The following ACIN1 variants were observed in gnomAD, a reference collection of about 807,000 sequenced individuals.
ACIN1 encodes the protein apoptotic chromatin condensation inducer in the nucleus.
Under a neutral mutation model 146.6 loss-of-function variants are expected in ACIN1, and 16 were observed. The ratio of observed to expected loss-of-function variants is 0.11; its 90% CI spans 0.07 to 0.17. The LOEUF (loss-of-function observed/expected upper bound fraction) is 0.17. Ranked by LOEUF, ACIN1 falls within the 10% of genes least tolerant of loss-of-function variation. The pLI, the probability that ACIN1 is intolerant of heterozygous loss-of-function variation, is 1.00. For synonymous variants in ACIN1, 569 were observed against 582.7 expected, an observed-to-expected ratio of 0.98 and a Z score of 0.34; for missense variants, 1,357 against 1,609.3, an observed-to-expected ratio of 0.84 and a Z score of 2.68.
intron 13 of ACIN1, 76 bp from the exon 14 acceptor site, chr14:23,063,150 G>A (rs745641584): frequency 2.3e-4 from 340 of 1,457,700 alleles, no homozygotes; most frequent in Non-Finnish European, 2.9e-4. Flanking sequence ...TAACTCTCAC[G>A]GTTCCCTTTC....
Position 23,061,523 on chromosome 14 carries a change from C to A in ACIN1, c.3199G>T (p.Val1067Phe). The change falls in exon 17 of 19, where the codon GTC (valine) becomes TTC (phenylalanine). Residue 1067 changes from valine (V) to phenylalanine (F), a missense_variant. Physicochemically the swap from Val to Phe is conservative, Grantham distance 50. Coordinates refer to ENST00000605057, the MANE Select transcript of ACIN1 (RefSeq NM_001386863.1). The stretch of plus-strand genomic sequence containing the variant: ...GCCCGGGGGTGCTGTGGTGGCTGGA[C>A]CGGGGGTGGGGGTGGGGGGTGCAGG... ...RPLHPPPPPP[V>F]QPPQHPRAEQ... 1.2e-6 allele frequency: 1 copy of A among 811,716 alleles called. No individual in the cohort carries two copies. The allele number at this position is 811,716 out of a possible 1,614,324, so 50.3% of individuals were successfully genotyped here.
At chr14:23,094,686 A>C (rs10149569) in intron 1 of ACIN1, 71,197 of 686,344 alleles carry the variant, frequency 0.1, 4,699 homozygotes, top group African/African-American at 0.24. Context: ...CCGAAACCAC[A>C]GATACAAACA....
In ACIN1 at chr14:23,065,458, T is replaced by C. The variant is rs181689298; in HGVS notation, c.2308+508A>G. Reference sequence around the variant, plus strand: ...AAAATTAGCTGGGCATGGTGGCGCATGCCTCTAATCCCAGCTACTCAGGAG... The same window carrying C: ...AAAATTAGCTGGGCATGGTGGCGCACGCCTCTAATCCCAGCTACTCAGGAG... On this transcript the variant is annotated intron_variant, in intron 10 of 18. Transcript: ENST00000605057. Among the ~76,000 whole-genome samples, 3 of 152,328 alleles carry C rather than the reference T, an allele frequency of 2.0e-5. No homozygotes were observed. In the East Asian group the frequency reaches 5.8e-4, roughly 29 times the overall value.
chr14:23,091,818 T>C (rs927389515), intron 2 of ACIN1, among the ~76,000 whole-genome samples: 16 of 152,062 alleles, frequency 1.1e-4, no homozygotes, highest in Non-Finnish European at 1.3e-4. Flanking sequence ...TAGACGGGGT[T>C]TTGCCATGTT....
chr14:23,090,708 C>G, intron 2 of ACIN1, 75 bp from the exon 3 acceptor site: 1 of 1,136,048 alleles, frequency 8.8e-7, no homozygotes, highest in Non-Finnish European at 1.3e-6. Context: ...TTCCATGGAG[C>G]AAAGGTCCAC....
In ACIN1 at chr14:23,084,029, C is replaced by A. The variant is rs575173493; in HGVS notation, c.437-2193G>T. Among the ~76,000 whole-genome samples the A allele has an allele frequency of 2.0e-5, 3 of 151,992 alleles. No homozygotes were observed. The East Asian group carries it at 6.0e-4, about 30-fold the overall frequency. ...TGGCACGATTTCGGTTCACTGCAACCTCCGCCTCCTGGGTTCAAGTGATTC... is the reference window on the plus strand; with the variant it reads ...TGGCACGATTTCGGTTCACTGCAACATCCGCCTCCTGGGTTCAAGTGATTC... On this transcript the variant is annotated intron_variant, in intron 4 of 18. Transcript: ENST00000605057.
Position 23,095,103 on chromosome 14 carries a change from G to C in ACIN1, c.10C>G (p.Leu4Val). The change falls in exon 1 of 19, where the codon CTG becomes GTG. Residue 4 changes from leucine (L) to valine (V), a missense_variant. This residue lies in a region of ACIN1 where 22 missense variants were observed against 19.1 expected (regional missense o/e 1.15). Coordinates refer to ENST00000605057, the MANE Select transcript of ACIN1 (RefSeq NM_001386863.1). ...TTCCCGTCCAGAGTCACCTCCTCCAGCTCCGCCATCTTGCGTGAGGTACTC... is the reference window on the plus strand; with the variant it reads ...TTCCCGTCCAGAGTCACCTCCTCCACCTCCGCCATCTTGCGTGAGGTACTC... MAE[L>V]EEVTLDGKPL... 2 of 1,614,206 alleles carry C rather than the reference G, an allele frequency of 1.2e-6. No individual in the cohort carries two copies. Among genetic ancestry groups the C allele is most frequent in the Non-Finnish European group, 1.7e-6 (2 of 1,180,036 alleles).
At chr14:23,062,627 G>T in intron 14 of ACIN1, 104 bp from the exon 15 acceptor site, 4 of 1,127,286 alleles carry the variant, frequency 3.5e-6, no homozygotes, top group Non-Finnish European at 4.0e-6. Context: ...TCAAGGTTTG[G>T]GGGAGGGCAG....
At chr14:23,094,447 T>G in intron 1 of ACIN1, 1 of 984,604 alleles carries the variant, frequency 1.0e-6, no homozygotes, top group African/African-American at 1.7e-5. Context: ...ATTAGAGACC[T>G]CTCTCTCATC....
rs1220945383 is a variant in ACIN1, at chr14:23,069,465, T to C, written c.2265+11A>G. ...TGCCCACCCGCCCCAATAGGTGGCT[T>C]GGATGTTTACCTCTTTCTTCTCCTC... On this transcript the variant is annotated intron_variant, in intron 9 of 18. Transcript: ENST00000605057. The C allele has an allele frequency of 6.2e-7, 1 of 1,612,824 alleles. No homozygotes were observed. The highest frequency in any genetic ancestry group is 1.7e-5 in the Admixed American group (1 of 59,906).
At chr14:23,091,117 C>T (rs554569408) in intron 2 of ACIN1, among the ~76,000 whole-genome samples, 103 of 152,118 alleles carry the variant, frequency 6.8e-4, no homozygotes, top group Middle Eastern at 3.4e-3. Context: ...GTTGGTCAGA[C>T]GGGTCTCAAA....
intron 8 of ACIN1, among the ~76,000 whole-genome samples, chr14:23,072,125 C>A (rs533931075): frequency 2.4e-4 from 37 of 152,276 alleles, no homozygotes; most frequent in Middle Eastern, 3.4e-3. Flanking sequence ...GCTGCTCACC[C>A]CGGCAATGAC....
At chr14:23,072,891 T>C (rs1258386208) in intron 8 of ACIN1, among the ~76,000 whole-genome samples, 2 of 152,250 alleles carry the variant, frequency 1.3e-5, no homozygotes, top group Admixed American at 1.3e-4. Context: ...TGTGTGATAG[T>C]AGGCAAGTTC....
chr14:23,066,678 T>C (rs1050024506), intron 9 of ACIN1, among the ~76,000 whole-genome samples: 9 of 152,130 alleles, frequency 5.9e-5, no homozygotes, highest in South Asian at 2.1e-4. Flanking sequence ...GTGTCTTTGA[T>C]AAAGGAAGGT....
chr14:23,065,267 C>A (rs575145353), intron 10 of ACIN1, among the ~76,000 whole-genome samples: 3 of 152,306 alleles, frequency 2.0e-5, no homozygotes, highest in African/African-American at 7.2e-5. Flanking sequence ...GGGGCACTTT[C>A]ATTTCCTTGG....
Position 23,090,562 on chromosome 14 carries a change from C to T in ACIN1, c.276G>A (p.Gln92=), listed in dbSNP as rs1261969214. 6.2e-7 allele frequency: 1 copy of T among 1,613,986 alleles called. No homozygotes were observed. Among genetic ancestry groups the T allele is most frequent in the Non-Finnish European group, 8.5e-7 (1 of 1,179,972 alleles). The change falls in exon 3 of 19, where the codon CAG becomes CAA. Residue 92 remains glutamine, a synonymous_variant. Transcript: ENST00000605057. The part of the protein sequence containing the change: ...YLEKQQELLR[Q]RLEREAREAA... ...CTTCTCGAGCTTCACGTTCCAGACG[C>T]TGCCTAAGTAGCTCCTGCTGCTTTT...
At chr14:23,087,458 C>T (rs1447309692) in intron 4 of ACIN1, among the ~76,000 whole-genome samples, 3 of 124,654 alleles carry the variant, frequency 2.4e-5, no homozygotes, top group African/African-American at 7.3e-5. Flanking sequence ...TTTTTTTTAA[C>T]GTCTGGGGTT....
In ACIN1 at chr14:23,093,491, C is replaced by T. The variant is rs1324147720; in HGVS notation, c.192G>A (p.Gln64=). ...CCTTCTTTCTCACCTGGGAATTTGG[C>T]TGGAATGCAGCATGGGGTGTTGAGT... ...QKHSTPHAAF[Q]PNSQIGEEMS... The change falls in exon 2 of 19, where the codon CAG becomes CAA. Residue 64 remains glutamine (Q), a synonymous_variant. Transcript: ENST00000605057. 6.2e-7 allele frequency: 1 copy of T among 1,613,980 alleles called. No individual in the cohort carries two copies. Among genetic ancestry groups the T allele is most frequent in the South Asian group, 1.1e-5 (1 of 91,080 alleles).
intron 4 of ACIN1, among the ~76,000 whole-genome samples, chr14:23,085,347 C>T (rs942444181): frequency 2.6e-5 from 4 of 151,422 alleles, no homozygotes; most frequent in African/African-American, 7.3e-5. Flanking sequence ...AAAACAACAA[C>T]AACAAGAACA....
Sources: gnomAD v4.1 joint callset for allele counts (sites outside exome capture counted in the v4.1 genomes callset) on GRCh38, gnomAD v4.1.1 for gene constraint, gnomAD v4.1.1 regional missense constraint, MANE v1.5 for transcripts, NCBI Gene and HGNC (gene_info 2026-07-23, HGNC 2026-07-21) for gene names.